Variants in TIAM2 observed in about 807,000 individuals in gnomAD.
The protein encoded by TIAM2 is TIAM Rac1 associated GEF 2, also known as rho guanine nucleotide exchange factor TIAM2.
Under a neutral mutation model 152.9 loss-of-function variants are expected in TIAM2, and 80 were observed. The observed-to-expected ratio is 0.52, with a 90% confidence interval of 0.44 to 0.63. The LOEUF is 0.63. Ranked by LOEUF, TIAM2 falls within the 30% of genes least tolerant of loss-of-function variation. The probability of loss-of-function intolerance (pLI) is 0.00; values close to 1 mark genes in which losing one functional copy is unlikely to be tolerated. For missense variants in TIAM2, 1,965 were observed against 2,120.1 expected, an observed-to-expected ratio of 0.93 and a Z score of 1.44; for synonymous variants, 804 against 838.0, an observed-to-expected ratio of 0.96 and a Z score of 0.70.
At chr6:155,050,471 C>T (rs935107443) in intron 1 of TIAM2, among the ~76,000 whole-genome samples, 1 of 152,186 alleles carries the variant, frequency 6.6e-6, no homozygotes, top group African/African-American at 2.4e-5. Flanking sequence ...GATCATGTCA[C>T]CATCTCAAAA....
intron 2 of TIAM2, among the ~76,000 whole-genome samples, chr6:155,094,546 CTTTTTTTTT>C (rs10694318): frequency 2.5e-5 from 2 of 79,958 alleles, no homozygotes; most frequent in Non-Finnish European, 4.4e-5. Flanking sequence ...TTCACTCAGA[CTTTTTTTTT>C]TTTTTTTTTT....
intron 1 of TIAM2, among the ~76,000 whole-genome samples, chr6:155,048,591 G>A (rs577293686): frequency 2.0e-5 from 3 of 152,244 alleles, no homozygotes; most frequent in South Asian, 4.2e-4. Flanking sequence ...TAAAGAAGTC[G>A]GGATTCAGCC....
chr6:155,002,673 T>TTTTATTTA (rs140724297), intron 1 of TIAM2, among the ~76,000 whole-genome samples: 29 of 150,260 alleles, frequency 1.9e-4, no homozygotes, highest in East Asian at 1.6e-3. Flanking sequence ...GCTTTGCTTG[T>TTTTATTTA]TTTATTTATT....
intron 20 of TIAM2, among the ~76,000 whole-genome samples, chr6:155,248,853 A>T (rs1340895267): frequency 6.6e-6 from 1 of 152,240 alleles, no homozygotes; most frequent in Non-Finnish European, 1.5e-5. Flanking sequence ...ACCATAGGTG[A>T]TAAAATTTAT....
intron 1 of TIAM2, among the ~76,000 whole-genome samples, chr6:155,034,415 C>T (rs938023090): frequency 9.2e-5 from 14 of 152,030 alleles, no homozygotes; most frequent in South Asian, 4.1e-4. Context: ...CCACCATGCC[C>T]GGCTAATTTT....
At chr6:154,999,487 G>A (rs929218872) in intron 1 of TIAM2, among the ~76,000 whole-genome samples, 8 of 152,038 alleles carry the variant, frequency 5.3e-5, no homozygotes, top group Admixed American at 3.9e-4. Context: ...GATTACAGGC[G>A]TGAGCCACCG....
intron 24 of TIAM2, chr6:155,253,636 C>T (rs562838677): frequency 1.2e-4 from 26 of 211,240 alleles, no homozygotes; most frequent in Admixed American, 2.8e-4. Context: ...CTCAAGTACC[C>T]CAGCTCCTGT....
chr6:155,142,740 G>A (rs951528815), intron 5 of TIAM2, among the ~76,000 whole-genome samples: 1 of 152,244 alleles, frequency 6.6e-6, no homozygotes, highest in African/African-American at 2.4e-5. Flanking sequence ...TAATACTTGA[G>A]TTCTGTCAGC....
At chr6:155,133,456 GTC>G (rs1351683762) in intron 4 of TIAM2, among the ~76,000 whole-genome samples, 1 of 152,046 alleles carries the variant, frequency 6.6e-6, no homozygotes, top group African/African-American at 2.4e-5. Context: ...TTGAGATGGA[GTC>G]TCTCTGTTAA....
chr6:155,190,497 G>A (rs908913060), intron 14 of TIAM2, among the ~76,000 whole-genome samples: 2 of 152,238 alleles, frequency 1.3e-5, no homozygotes, highest in Admixed American at 6.5e-5. Flanking sequence ...TGGCTGGTGG[G>A]GAGGGGACAC....
At chr6:155,056,245 C>T (rs1300138403) in intron 1 of TIAM2, among the ~76,000 whole-genome samples, 1 of 143,186 alleles carries the variant, frequency 7.0e-6, no homozygotes, top group African/African-American at 2.7e-5. Context: ...GATCTCGGCT[C>T]ACTGCAACCT....
intron 1 of TIAM2, among the ~76,000 whole-genome samples, chr6:155,000,626 T>TTAAGTGACAC (rs1299648591): frequency 9.2e-5 from 14 of 151,676 alleles, no homozygotes; most frequent in African/African-American, 3.4e-4. Context: ...GTAAGTGACA[T>TTAAGTGACAC]TAAGTGACAC....
Position 155,187,874 on chromosome 6 carries a change from G to A in TIAM2, c.3064+4374G>A, listed in dbSNP as rs543958942. ...ATTACACGTGTGAGTCACTGTGCTCGGCCGCAAGCCCCATTTTTAACTTGC... is the reference window on the plus strand; with the variant it reads ...ATTACACGTGTGAGTCACTGTGCTCAGCCGCAAGCCCCATTTTTAACTTGC... On this transcript the variant is annotated intron_variant, in intron 14 of 26. Transcript: ENST00000682666. Among the ~76,000 whole-genome samples, 15 of 152,134 alleles carry A rather than the reference G, an allele frequency of 9.9e-5. No homozygotes were observed. In the South Asian group the frequency reaches 1.9e-3, roughly 19 times the overall value.
chr6:155,181,395 AT>A (rs1562344856), intron 12 of TIAM2, among the ~76,000 whole-genome samples: 1 of 152,202 alleles, frequency 6.6e-6, no homozygotes, highest in Non-Finnish European at 1.5e-5. Context: ...TATTTGTTGT[AT>A]TGAACTGAAT....
Position 155,178,162 on chromosome 6 carries a change from A to G in TIAM2, c.2524-877A>G, listed in dbSNP as rs552420353. Among the ~76,000 whole-genome samples, 10 of 146,624 alleles carry G rather than the reference A, an allele frequency of 6.8e-5. No homozygotes were observed. The South Asian group carries it at 2.2e-3, about 32-fold the overall frequency. ...GGCGACAGAGCAAGACTCCGTCTCA[A>G]ATTAAAAAAAAAAAAAAAAAAAAAA... On this transcript the variant is annotated intron_variant, in intron 10 of 26. Transcript: ENST00000682666.
intron 15 of TIAM2, chr6:155,216,917 A>T (rs986565850): frequency 8.5e-7 from 1 of 1,181,824 alleles, no homozygotes; most frequent in African/African-American, 1.6e-5. Context: ...TGGTGGCGCT[A>T]GGACGTCCTT....
Position 155,133,905 on chromosome 6 carries a change from C to T in TIAM2, c.1195-3272C>T, listed in dbSNP as rs141650047. 1.9e-3 allele frequency among the ~76,000 whole-genome samples: 288 copies of T among 152,138 alleles called. 2 individuals are homozygous for T. The highest frequency in any genetic ancestry group is 2.4e-3 in the Non-Finnish European group (163 of 67,980). On this transcript the variant is annotated intron_variant, in intron 4 of 26. Transcript: ENST00000682666. The stretch of plus-strand genomic sequence containing the variant: ...GCTGATTTTGTGTTTTTAGTAGAGA[C>T]GGGGTTTCTCCATGTTGGTCAGGCT...
chr6:155,220,938 C>T (rs3763204), intron 15 of TIAM2, among the ~76,000 whole-genome samples: 21,571 of 151,804 alleles, frequency 0.14, 1,715 homozygotes, highest in East Asian at 0.34. Flanking sequence ...CACTACAGGC[C>T]CCGGTGTGTG....
At chr6:155,126,701 C>CGA (rs1562324691) in intron 2 of TIAM2, among the ~76,000 whole-genome samples, 1 of 151,530 alleles carries the variant, frequency 6.6e-6, no homozygotes, top group African/African-American at 2.4e-5. Context: ...ACTGCACTCC[C>CGA]GCCTGGGCAA....
Sources: gnomAD v4.1 joint callset for allele counts (sites outside exome capture counted in the v4.1 genomes callset) on GRCh38, gnomAD v4.1.1 for gene constraint, MANE v1.5 for transcripts, NCBI Gene and HGNC (gene_info 2026-07-23, HGNC 2026-07-21) for gene names.